P3H2: variants seen among roughly 807,000 people sequenced by gnomAD.
The protein encoded by P3H2 is prolyl 3-hydroxylase 2.
In P3H2, 80 loss-of-function variants were observed where a neutral mutation model predicts 87.0. The observed-to-expected ratio is 0.92, with a 90% CI of 0.77 to 1.11. The LOEUF is 1.11. Among genes scored for constraint, P3H2 ranks in the 50% least tolerant of loss-of-function variants. The pLI, the probability that P3H2 is intolerant of heterozygous loss-of-function variation, is 0.00. For synonymous variants in P3H2, 367 were observed against 359.3 expected, an observed-to-expected ratio of 1.02 and a Z score of -0.24; for missense variants, 1,001 against 923.9, an observed-to-expected ratio of 1.08 and a Z score of -1.08.
At position 189,957,266 on chromosome 3, in the gene P3H2, G is replaced by C; in HGVS notation, c.*646C>G. On this transcript the variant is annotated 3_prime_UTR_variant, in exon 15 of 15. Coordinates refer to ENST00000319332, the MANE Select transcript of P3H2 (RefSeq NM_018192.4). ...CAGACCCAAAGTGGAGCTCACTTTG[G>C]AGAGTCGGAGCTCATGGCCGTTAGC... is the stretch of plus-strand genomic sequence containing the variant. 1 of 399,538 alleles carries C rather than the reference G, an allele frequency of 2.5e-6. No individual in the cohort carries two copies. The allele number at this position is 399,538 out of a possible 1,614,324, so 24.7% of individuals were successfully genotyped here. A position where few individuals can be genotyped will look rare whatever the true frequency, so the allele number is the denominator to read the frequency against.
chr3:190,074,327 T>A (rs760291291), intron 1 of P3H2, among the ~76,000 whole-genome samples: 1 of 151,994 alleles, frequency 6.6e-6, no homozygotes, highest in Non-Finnish European at 1.5e-5. Context: ...CTGGCCAACA[T>A]GACGAAACCT....
intron 1 of P3H2, among the ~76,000 whole-genome samples, chr3:190,012,742 C>A (rs1043332405): frequency 6.6e-6 from 1 of 152,180 alleles, no homozygotes; most frequent in African/African-American, 2.4e-5. Flanking sequence ...CGTGGTGCCT[C>A]TCTGGTAGTA....
intron 1 of P3H2, among the ~76,000 whole-genome samples, chr3:190,042,827 T>G (rs1156573275): frequency 6.6e-6 from 1 of 152,176 alleles, no homozygotes; most frequent in East Asian, 1.9e-4. Context: ...AGTTCCACAT[T>G]TTGGAGAAAA....
chr3:190,083,241 G>C (rs568099635), intron 1 of P3H2, among the ~76,000 whole-genome samples: 1 of 152,188 alleles, frequency 6.6e-6, no homozygotes, highest in African/African-American at 2.4e-5. Flanking sequence ...TTACGGGAAA[G>C]ACCTGCAGAA....
At chr3:190,080,249 C>T (rs1726998779) in intron 1 of P3H2, among the ~76,000 whole-genome samples, 1 of 152,086 alleles carries the variant, frequency 6.6e-6, no homozygotes, top group South Asian at 2.1e-4. Flanking sequence ...TAACAAGATA[C>T]GGGCATAGCA....
intron 13 of P3H2, 106 bp downstream of exon 13, chr3:189,970,710 C>G (rs1414104589): frequency 1.4e-6 from 1 of 730,590 alleles, no homozygotes; most frequent in East Asian, 2.5e-5. Flanking sequence ...CTCTTGAAAT[C>G]TTGAGCTCAG....
At chr3:189,987,727 A>G (rs998889219) in intron 4 of P3H2, 58 bp from the exon 5 acceptor site, 9 of 1,608,208 alleles carry the variant, frequency 5.6e-6, no homozygotes, top group African/African-American at 1.3e-5. Context: ...AAAGGATTTT[A>G]AAGGGAGGCC....
intron 14 of P3H2, among the ~76,000 whole-genome samples, chr3:189,961,579 C>T (rs1304066701): frequency 3.3e-5 from 5 of 152,076 alleles, no homozygotes; most frequent in African/African-American, 4.8e-5. Context: ...ACGTTAGAAT[C>T]ACCTGGGGAG....
chr3:189,962,161 C>CTTTTTTTTTTTTT lies in P3H2; in HGVS notation c.2034+1784_2034+1796dup, dbSNP rs770628547. ...GCCTTTCTTTCTTTTTCTTCTTCTT[C>CTTTTTTTTTTTTT]TTTTTTTTTTTTTTTTTTTTTTTTA... On this transcript the variant is annotated intron_variant, in intron 14 of 14. Coordinates refer to ENST00000319332, the MANE Select transcript of P3H2 (RefSeq NM_018192.4). Among the ~76,000 whole-genome samples, 39 of 87,612 alleles carry CTTTTTTTTTTTTT rather than the reference C, an allele frequency of 4.5e-4. 1 individual carries two copies. Among genetic ancestry groups the CTTTTTTTTTTTTT allele is most frequent in the African/African-American group, 8.5e-4 (18 of 21,182 alleles). The allele number at this position is 87,612 out of a possible 152,430, so 57.5% of individuals were successfully genotyped here. A position where few individuals can be genotyped will look rare whatever the true frequency, so the allele number is the denominator to read the frequency against.
rs1256956930 is a variant in P3H2 at position 190,066,158 on chromosome 3, T to TATACACACACACAC, written c.480+54093_480+54094insGTGTGTGTGTGTAT. 1.3e-3 allele frequency among the ~76,000 whole-genome samples: 174 copies of TATACACACACACAC among 134,462 alleles called. 2 individuals are homozygous for TATACACACACACAC. Among genetic ancestry groups the TATACACACACACAC allele is most frequent in the African/African-American group, 5.1e-3 (164 of 32,122 alleles). 88.2% of individuals were successfully genotyped at this position (134,462 alleles called of 152,430 possible). On this transcript the variant is annotated intron_variant, in intron 1 of 14. Coordinates refer to ENST00000319332, the MANE Select transcript of P3H2 (RefSeq NM_018192.4). ...ACTGTGGTGTGTATATATATATATA[T>TATACACACACACAC]ACACACACACACACACACACATATA...
intron 1 of P3H2, among the ~76,000 whole-genome samples, chr3:190,050,395 A>G (rs1666414): frequency 0.82 from 124,349 of 152,150 alleles, 51,009 homozygotes; most frequent in East Asian, 0.88. Context: ...AAATGAATGC[A>G]TCAAATTAAT....
intron 3 of P3H2, among the ~76,000 whole-genome samples, chr3:189,990,269 G>A (rs1350773975): frequency 6.6e-6 from 1 of 152,090 alleles, no homozygotes; most frequent in Non-Finnish European, 1.5e-5. Context: ...CCAGTCAGGG[G>A]ATGTGAAGGA....
At chr3:190,115,428 A>G (rs1002043257) in intron 1 of P3H2, among the ~76,000 whole-genome samples, 4 of 106,498 alleles carry the variant, frequency 3.8e-5, no homozygotes, top group Non-Finnish European at 6.2e-5. Context: ...AAAGTGGGAG[A>G]AAAAAAAAAA....
chr3:190,034,386 G>A (rs542428631), intron 1 of P3H2, among the ~76,000 whole-genome samples: 3 of 152,138 alleles, frequency 2.0e-5, no homozygotes, highest in Admixed American at 2.0e-4. Context: ...CTCACTATTT[G>A]GACATTGAGT....
At chr3:190,083,134 C>T (rs1727105815) in intron 1 of P3H2, among the ~76,000 whole-genome samples, 2 of 152,150 alleles carry the variant, frequency 1.3e-5, no homozygotes, top group South Asian at 4.1e-4. Context: ...TTTCTAAAGT[C>T]TTGAAAACAC....
rs759762087 is a variant in P3H2 at position 190,119,170 on chromosome 3, GGGAGAGGAGAGGAGA to G, written c.480+1067_480+1081del. On this transcript the variant is annotated intron_variant, in intron 1 of 14. Transcript: ENST00000319332. ...GGGAGGGGAGGGGAGGGGAGGGGAGGGGAGAGGAGAGGAGAGGAGAGGAGGGGAGAGGAGAGGAGA... is the reference window on the plus strand; with the variant it reads ...GGGAGGGGAGGGGAGGGGAGGGGAGGGGAGAGGAGGGGAGAGGAGAGGAGA... Among the ~76,000 whole-genome samples, 71 of 52,434 alleles carry G rather than the reference GGGAGAGGAGAGGAGA, an allele frequency of 1.4e-3. 2 individuals are homozygous for G. Among genetic ancestry groups the G allele is most frequent in the African/African-American group, 6.7e-3 (69 of 10,362 alleles). The allele number at this position is 52,434 out of a possible 152,430, so 34.4% of individuals were successfully genotyped here.
rs558813233 is a variant in P3H2 at position 189,995,168 on chromosome 3, A to C, written c.633+122T>G. On this transcript the variant is annotated intron_variant, in intron 2 of 14. Transcript: ENST00000319332. The stretch of plus-strand genomic sequence containing the variant: ...TTCTGAGAATTCTGAAAGTCCAAAA[A>C]TGTTACTAAAATTTGAGAATAAACT... 352 of 920,640 alleles carry C rather than the reference A, an allele frequency of 3.8e-4. 1 individual carries two copies. In the African/African-American group the frequency reaches 5.2e-3, roughly 14 times the overall value. The allele number at this position is 920,640 out of a possible 1,614,324, so 57.0% of individuals were successfully genotyped here.
chr3:189,968,942 G>GT (rs1723085469), intron 13 of P3H2: 1 of 165,672 alleles, frequency 6.0e-6, no homozygotes, highest in Admixed American at 6.1e-5. Context: ...TGATGGGGTT[G>GT]TTTGTTTGTT....
chr3:190,117,054 T>C (rs1241397821), intron 1 of P3H2, among the ~76,000 whole-genome samples: 1 of 152,174 alleles, frequency 6.6e-6, no homozygotes, highest in Non-Finnish European at 1.5e-5. Flanking sequence ...GATGTGAACC[T>C]ACAGGCCAGT....
Sources: allele counts gnomAD v4.1 joint callset (sites outside exome capture counted in the v4.1 genomes callset), GRCh38; gene constraint gnomAD v4.1.1; transcripts MANE v1.5; gene names NCBI Gene and HGNC (gene_info 2026-07-23, HGNC 2026-07-21).